The following DERL1 variants were observed in gnomAD, a reference collection of about 807,000 sequenced individuals.
DERL1 encodes derlin 1, also known as derlin-1.
DERL1 carries 24 observed loss-of-function variants against 41.6 expected under a neutral mutation model. The observed-to-expected ratio is 0.58, with a 90% confidence interval of 0.42 to 0.81. The LOEUF (loss-of-function observed/expected upper bound fraction) is 0.81. DERL1 is among the 30% of genes least tolerant of loss of function. The pLI is 0.00. For synonymous variants in DERL1, 124 were observed against 112.5 expected (o/e 1.10, Z -0.65); for missense variants, 260 against 314.3 (o/e 0.83, Z 1.31).
intron 1 of DERL1, among the ~76,000 whole-genome samples, chr8:123,036,318 T>TA (rs887896709): frequency 2.4e-4 from 37 of 152,266 alleles, no homozygotes; most frequent in African/African-American, 8.7e-4. Flanking sequence ...CATGCAACAA[T>TA]ATGGGTGACT....
At chr8:123,027,516 TAC>T (rs773108737) in intron 2 of DERL1, among the ~76,000 whole-genome samples, 86 of 152,244 alleles carry the variant, frequency 5.6e-4, no homozygotes, top group Non-Finnish European at 1.1e-3. Context: ...GTACATGAAT[TAC>T]ATCTCAATAA....
At chr8:123,021,320 T>C in intron 6 of DERL1, 127 bp downstream of exon 6, 1 of 831,296 alleles carries the variant, frequency 1.2e-6, no homozygotes, top group Non-Finnish European at 1.9e-6. Context: ...AATTATTCCA[T>C]AAATATAGGG....
chr8:123,040,212 C>T (rs369206466), intron 1 of DERL1, among the ~76,000 whole-genome samples: 3 of 151,874 alleles, frequency 2.0e-5, no homozygotes, highest in East Asian at 1.9e-4. Context: ...AGCGAGACTC[C>T]GTCTCCAAAA....
chr8:123,014,410 CAT>C lies in DERL1; in HGVS notation c.*1035_*1036del, dbSNP rs1814498490. The C allele has an allele frequency of 6.6e-6, 1 of 152,644 alleles. No individual in the cohort carries two copies. Among genetic ancestry groups the C allele is most frequent in the South Asian group, 2.1e-4 (1 of 4,824 alleles). 9.5% of individuals were successfully genotyped at this position (152,644 alleles called of 1,614,324 possible). ...GCGCCTTCCTCACAATTAATTGAAACATGACCAAAAAACGGGGGATAGGCAAA... is the reference window on the plus strand; with the variant it reads ...GCGCCTTCCTCACAATTAATTGAAACGACCAAAAAACGGGGGATAGGCAAA... On this transcript the variant is annotated 3_prime_UTR_variant, in exon 8 of 8. Transcript: ENST00000259512.
chr8:123,023,613 T>A, intron 4 of DERL1, 100 bp downstream of exon 4: 1 of 1,099,376 alleles, frequency 9.1e-7, no homozygotes, highest in Non-Finnish European at 1.3e-6. Context: ...ACCACATAAT[T>A]AACCCCATAG....
At position 123,013,820 on chromosome 8, in the gene DERL1, C is replaced by G. The variant is rs1371692520; in HGVS notation, c.*1627G>C. On this transcript the variant is annotated 3_prime_UTR_variant, in exon 8 of 8. Transcript: ENST00000259512. The stretch of plus-strand genomic sequence containing the variant: ...TTACAAGTAAACTTTATTGTGGCCA[C>G]AGATGAACAACAAAACATGACAGTT... 6.6e-6 allele frequency: 1 copy of G among 152,102 alleles called. No homozygotes were observed. The highest frequency in any genetic ancestry group is 2.4e-5 in the African/African-American group (1 of 41,402). 9.4% of individuals were successfully genotyped at this position (152,102 alleles called of 1,614,324 possible). A position where few individuals can be genotyped will look rare whatever the true frequency, so the allele number is the denominator to read the frequency against.
chr8:123,024,932 A>C, intron 3 of DERL1, 54 bp downstream of exon 3: 1 of 1,587,812 alleles, frequency 6.3e-7, no homozygotes, highest in African/African-American at 1.3e-5. Context: ...TATTTCCCCA[A>C]ACCTGGAAAA....
intron 7 of DERL1, chr8:123,018,928 C>G (rs561178433): frequency 3.6e-4 from 155 of 436,162 alleles, no homozygotes; most frequent in Non-Finnish European, 6.1e-4. Context: ...GGTCCCTCAG[C>G]AGGCTCAGAG....
chr8:123,033,571 T>C (rs1241678928), intron 1 of DERL1, among the ~76,000 whole-genome samples: 1 of 152,050 alleles, frequency 6.6e-6, no homozygotes, highest in Non-Finnish European at 1.5e-5. Flanking sequence ...TGGAGAAACC[T>C]TGTCTCTACT....
At chr8:123,021,050 T>C (rs1323841673) in intron 6 of DERL1, among the ~76,000 whole-genome samples, 3 of 152,010 alleles carry the variant, frequency 2.0e-5, no homozygotes, top group East Asian at 1.9e-4. Flanking sequence ...CTATGACCGA[T>C]AGGCAGTTTC....
intron 4 of DERL1, 105 bp from the exon 5 acceptor site, chr8:123,022,884 G>A: frequency 1.3e-6 from 1 of 785,532 alleles, no homozygotes; most frequent in African/African-American, 1.7e-5. Flanking sequence ...TCCTCACCTG[G>A]GTAAAGGGAA....
At chr8:123,040,830 T>G (rs1406556793) in intron 1 of DERL1, among the ~76,000 whole-genome samples, 1 of 151,632 alleles carries the variant, frequency 6.6e-6, no homozygotes, top group Non-Finnish European at 1.5e-5. Context: ...AATAACGGAG[T>G]TGCTATTCAC....
chr8:123,032,957 G>A (rs1458570980), intron 1 of DERL1, among the ~76,000 whole-genome samples: 1 of 137,194 alleles, frequency 7.3e-6, no homozygotes, highest in Non-Finnish European at 1.7e-5. Flanking sequence ...TCAAATTTCT[G>A]GGTTCAAGCA....
At chr8:123,019,829 C>T (rs991698991) in intron 6 of DERL1, among the ~76,000 whole-genome samples, 1 of 152,164 alleles carries the variant, frequency 6.6e-6, no homozygotes, top group Non-Finnish European at 1.5e-5. Flanking sequence ...AGCCGACTTG[C>T]ACCCTGAAAT....
At chr8:123,037,349 G>T (rs2385076) in intron 1 of DERL1, among the ~76,000 whole-genome samples, 82,319 of 151,986 alleles carry the variant, frequency 0.54, 23,514 homozygotes, top group Middle Eastern at 0.65. Flanking sequence ...TACACTCGTT[G>T]AATGTAATTT....
At chr8:123,023,058 T>C (rs1435486466) in intron 4 of DERL1, among the ~76,000 whole-genome samples, 1 of 152,188 alleles carries the variant, frequency 6.6e-6, no homozygotes, top group African/African-American at 2.4e-5. Flanking sequence ...AGCATTACCA[T>C]ATAATCTCAA....
intron 1 of DERL1, among the ~76,000 whole-genome samples, chr8:123,040,563 T>C (rs116730907): frequency 6.6e-6 from 1 of 152,304 alleles, no homozygotes; most frequent in African/African-American, 2.4e-5. Flanking sequence ...TTTTACTCAT[T>C]AAGAAGACAT....
intron 2 of DERL1, among the ~76,000 whole-genome samples, chr8:123,028,305 C>G (rs750643004): frequency 9.2e-5 from 14 of 152,030 alleles, no homozygotes; most frequent in Non-Finnish European, 1.3e-4. Flanking sequence ...AGGAGGGGTT[C>G]GTACTGACAC....
chr8:123,036,771 G>A (rs774827241), intron 1 of DERL1, among the ~76,000 whole-genome samples: 9 of 152,132 alleles, frequency 5.9e-5, no homozygotes, highest in Non-Finnish European at 1.3e-4. Flanking sequence ...GAACTTCTAT[G>A]CTCAGCCTAT....
Sources: gnomAD v4.1 joint callset for allele counts (sites outside exome capture counted in the v4.1 genomes callset) on GRCh38, gnomAD v4.1.1 for gene constraint, MANE v1.5 for transcripts, NCBI Gene and HGNC (gene_info 2026-07-23, HGNC 2026-07-21) for gene names.